Variants in KCNH5 observed in about 807,000 individuals in gnomAD.
KCNH5 encodes potassium voltage-gated channel subfamily H member 5.
Under a neutral mutation model 96.1 loss-of-function variants are expected in KCNH5, and 46 were observed. The observed-to-expected ratio is 0.48, with a 90% CI of 0.38 to 0.61. KCNH5 has a LOEUF of 0.61. Ranked by LOEUF, KCNH5 falls within the 20% of genes least tolerant of loss-of-function variation. The pLI is 0.00. For synonymous variants in KCNH5, 439 were observed against 449.8 expected (o/e 0.98, Z 0.30); for missense variants, 907 against 1,225.8 (o/e 0.74, Z 3.88).
At chr14:62,716,526 T>C (rs371892766) in intron 10 of KCNH5, among the ~76,000 whole-genome samples, 3 of 152,218 alleles carry the variant, frequency 2.0e-5, no homozygotes, top group Admixed American at 1.3e-4. Context: ...GAGCATGTAT[T>C]CATGATATTT....
intron 6 of KCNH5, among the ~76,000 whole-genome samples, chr14:62,966,493 A>G (rs760082794): frequency 5.3e-5 from 8 of 152,168 alleles, no homozygotes; most frequent in Non-Finnish European, 1.2e-4. Flanking sequence ...AAAAGCCTTG[A>G]GAAATAGTCT....
At chr14:62,971,997 T>C (rs1890417202) in intron 6 of KCNH5, among the ~76,000 whole-genome samples, 1 of 152,086 alleles carries the variant, frequency 6.6e-6, no homozygotes, top group Admixed American at 6.6e-5. Context: ...AAGTAATAAT[T>C]GATAAGCTGG....
intron 10 of KCNH5, among the ~76,000 whole-genome samples, chr14:62,737,925 A>G (rs768716060): frequency 3.9e-5 from 6 of 152,166 alleles, no homozygotes; most frequent in Non-Finnish European, 7.3e-5. Flanking sequence ...CCAAAACTGC[A>G]GACAGTCTGA....
At chr14:62,932,074 A>G (rs916177517) in intron 7 of KCNH5, among the ~76,000 whole-genome samples, 9 of 152,114 alleles carry the variant, frequency 5.9e-5, no homozygotes, top group Non-Finnish European at 1.2e-4. Flanking sequence ...TTTTCCACAA[A>G]ATAACCCAAT....
intron 8 of KCNH5, among the ~76,000 whole-genome samples, chr14:62,813,949 G>A (rs934068103): frequency 2.6e-5 from 4 of 152,148 alleles, no homozygotes; most frequent in African/African-American, 9.7e-5. Context: ...TTGCTCTCTG[G>A]ATGTCACTCT....
intron 9 of KCNH5, among the ~76,000 whole-genome samples, chr14:62,795,690 A>G (rs955061990): frequency 5.3e-5 from 8 of 152,156 alleles, no homozygotes; most frequent in African/African-American, 1.9e-4. Context: ...CTGAGAACCT[A>G]TTGAAGAGAT....
chr14:62,880,035 T>C (rs962656293), intron 7 of KCNH5, among the ~76,000 whole-genome samples: 3 of 152,192 alleles, frequency 2.0e-5, no homozygotes, highest in African/African-American at 7.2e-5. Flanking sequence ...TCAAAAAATA[T>C]ACTTTTAATT....
At chr14:62,903,375 C>T (rs571915152) in intron 7 of KCNH5, among the ~76,000 whole-genome samples, 34 of 152,222 alleles carry the variant, frequency 2.2e-4, no homozygotes, top group Admixed American at 1.3e-3. Context: ...TAGGTTTCTC[C>T]AAGAAAGGGT....
chr14:62,943,502 C>T (rs922917105), intron 7 of KCNH5, among the ~76,000 whole-genome samples: 4 of 152,118 alleles, frequency 2.6e-5, no homozygotes, highest in African/African-American at 9.7e-5. Flanking sequence ...TTAGAAAACA[C>T]TTCATGAAGG....
chr14:62,990,972 G>A (rs909836274), intron 4 of KCNH5, among the ~76,000 whole-genome samples: 6 of 152,026 alleles, frequency 3.9e-5, no homozygotes, highest in Non-Finnish European at 5.9e-5. Flanking sequence ...ACAGCATGGG[G>A]GGATCACCCC....
At chr14:62,824,471 A>G (rs565699467) in intron 8 of KCNH5, among the ~76,000 whole-genome samples, 1 of 152,284 alleles carries the variant, frequency 6.6e-6, no homozygotes, top group African/African-American at 2.4e-5. Context: ...CATGCAAAAT[A>G]GAATACTTCA....
intron 7 of KCNH5, among the ~76,000 whole-genome samples, chr14:62,869,566 C>T (rs1888208450): frequency 1.3e-5 from 2 of 152,118 alleles, no homozygotes; most frequent in African/African-American, 4.8e-5. Flanking sequence ...GCTTTTGTTG[C>T]CATTGCTTTT....
rs1245002612 is a variant in KCNH5, at chr14:62,814,266, C to A, written c.1570-11685G>T. Among the ~76,000 whole-genome samples the A allele has an allele frequency of 2.0e-5, 3 of 152,102 alleles. No individual in the cohort carries two copies. In the East Asian group the frequency reaches 5.8e-4, roughly 29 times the overall value. On this transcript the variant is annotated intron_variant, in intron 8 of 10. Coordinates refer to ENST00000322893, the MANE Select transcript of KCNH5 (RefSeq NM_139318.5). ...CAGTAACAACAAACAGCAATTGTTA[C>A]CATTTTTTAACTTGTTAGGCAGCAA...
chr14:62,903,277 C>T (rs1888964365), intron 7 of KCNH5, among the ~76,000 whole-genome samples: 1 of 152,112 alleles, frequency 6.6e-6, no homozygotes. Flanking sequence ...CACACACACC[C>T]TTGTACTACC....
chr14:62,889,476 C>T (rs1433841701), intron 7 of KCNH5, among the ~76,000 whole-genome samples: 2 of 152,178 alleles, frequency 1.3e-5, no homozygotes, highest in African/African-American at 2.4e-5. Flanking sequence ...AGGGAAAAGT[C>T]AACAACTAAG....
chr14:62,787,019 A>G (rs1322102539), intron 9 of KCNH5, among the ~76,000 whole-genome samples: 2 of 152,160 alleles, frequency 1.3e-5, no homozygotes, highest in South Asian at 2.1e-4. Flanking sequence ...CAAGTGTTCA[A>G]GCAAAAGGAA....
At chr14:62,862,205 A>G (rs1888049818) in intron 7 of KCNH5, among the ~76,000 whole-genome samples, 1 of 152,222 alleles carries the variant, frequency 6.6e-6, no homozygotes, top group Non-Finnish European at 1.5e-5. Context: ...AAGCATTAGG[A>G]TAATACTTAA....
Position 63,025,854 on chromosome 14 carries a change from GAAAA to G in KCNH5, c.74-8904_74-8901del, listed in dbSNP as rs139085820. The stretch of plus-strand genomic sequence containing the variant: ...CCCAAAGACATGTTTCACAGAAACA[GAAAA>G]AAAAAATCCTAAAGTTCATCTGGAA... On this transcript the variant is annotated intron_variant, in intron 1 of 10. Coordinates refer to ENST00000322893, the MANE Select transcript of KCNH5 (RefSeq NM_139318.5). Among the ~76,000 whole-genome samples the G allele has an allele frequency of 2.7e-5, 4 of 149,384 alleles. No individual in the cohort carries two copies. In the South Asian group the frequency reaches 8.5e-4, roughly 32 times the overall value.
At chr14:62,731,486 T>C (rs1885049812) in intron 10 of KCNH5, among the ~76,000 whole-genome samples, 1 of 152,124 alleles carries the variant, frequency 6.6e-6, no homozygotes, top group Non-Finnish European at 1.5e-5. Context: ...TAGCAAACTG[T>C]TGATGGTTTA....
Sources: gnomAD v4.1 joint callset for allele counts (sites outside exome capture counted in the v4.1 genomes callset) on GRCh38, gnomAD v4.1.1 for gene constraint, MANE v1.5 for transcripts, NCBI Gene and HGNC (gene_info 2026-07-23, HGNC 2026-07-21) for gene names.